The following DMD variants were observed in gnomAD, a reference collection of about 807,000 sequenced individuals.
DMD encodes the protein dystrophin.
Under a neutral mutation model 330.1 loss-of-function variants are expected in DMD, and 63 were observed. The ratio of observed to expected loss-of-function variants is 0.19; its 90% confidence interval spans 0.16 to 0.24. DMD has a LOEUF of 0.24. DMD is among the 10% of genes least tolerant of loss of function. DMD has a pLI of 1.00. For synonymous variants in DMD, 1,223 were observed against 959.8 expected, an observed-to-expected ratio of 1.27 and a Z score of -5.07; for missense variants, 3,344 against 2,684.1, an observed-to-expected ratio of 1.25 and a Z score of -5.43.
At chrX:32,494,320 T>C (rs1025281067) in intron 19 of DMD, among the ~76,000 whole-genome samples, 28 of 111,649 alleles carry the variant, frequency 2.5e-4, no homozygotes, top group African/African-American at 9.1e-4. Context: ...TTTATTTGCA[T>C]ATTGATCTTT....
chrX:31,422,044 T>TATATA (rs56161808), intron 60 of DMD, among the ~76,000 whole-genome samples: 909 of 76,049 alleles, frequency 0.012, 12 homozygotes, highest in Non-Finnish European at 0.016. Flanking sequence ...TATATATATA[T>TATATA]TTTTTTTTTT....
chrX:32,986,432 G>A (rs1330120973), intron 2 of DMD, among the ~76,000 whole-genome samples: 18 of 111,497 alleles, frequency 1.6e-4, no homozygotes, highest in African/African-American at 4.9e-4. Context: ...ACTTTTCAAA[G>A]AAAAAAATTA....
At chrX:31,447,867 C>T (rs1346034853) in intron 59 of DMD, among the ~76,000 whole-genome samples, 3 of 107,990 alleles carry the variant, frequency 2.8e-5, no homozygotes, top group African/African-American at 1.0e-4. Context: ...ATTATTCGGG[C>T]GTGGTGGCAC....
intron 44 of DMD, among the ~76,000 whole-genome samples, chrX:32,148,079 G>A (rs1435770546): frequency 9.1e-6 from 1 of 109,495 alleles, no homozygotes; most frequent in Non-Finnish European, 1.9e-5. Context: ...GGGTTTCACC[G>A]TGTTCGCCAG....
intron 47 of DMD, among the ~76,000 whole-genome samples, chrX:31,913,227 A>G (rs780968810): frequency 1.8e-5 from 2 of 112,095 alleles, no homozygotes; most frequent in Non-Finnish European, 3.8e-5. Flanking sequence ...TAACTTTTAG[A>G]GTGGTTTGTT....
chrX:31,435,088 A>G (rs953008894), intron 60 of DMD, among the ~76,000 whole-genome samples: 2 of 111,394 alleles, frequency 1.8e-5, no homozygotes, highest in African/African-American at 6.5e-5. Context: ...ATATATGACC[A>G]CAGGCAAGTC....
At chrX:32,482,445 C>G (rs1453298491) in intron 21 of DMD, among the ~76,000 whole-genome samples, 7 of 111,569 alleles carry the variant, frequency 6.3e-5, no homozygotes, top group Non-Finnish European at 3.8e-5. Flanking sequence ...AGCATAATGT[C>G]TTCAAGGGTA....
intron 11 of DMD, among the ~76,000 whole-genome samples, chrX:32,628,271 TTTTTTTTTTTTTTTTTTTTTTTTTA>T (rs1384167170): frequency 1.6e-5 from 1 of 61,743 alleles, no homozygotes; most frequent in Non-Finnish European, 2.8e-5. Context: ...TTTTTTTTTT[TTTTTTTTTTTTTTTTTTTTTTTTTA>T]AGCTCTCACA....
chrX:31,701,063 T>C (rs1488041596), intron 52 of DMD, among the ~76,000 whole-genome samples: 1 of 112,561 alleles, frequency 8.9e-6, no homozygotes, highest in Non-Finnish European at 1.9e-5. Flanking sequence ...GCACCACAGA[T>C]TTATTACCAT....
At chrX:31,836,092 C>T (rs73464049) in intron 49 of DMD, among the ~76,000 whole-genome samples, 10,493 of 111,206 alleles carry the variant, frequency 0.094, 479 homozygotes, top group East Asian at 0.33. Flanking sequence ...CATCTCCCTC[C>T]TTATGTAATA....
chrX:32,441,076 A>ATACTCTC (rs770993996), intron 28 of DMD, 104 bp downstream of exon 28: 1 of 883,490 alleles, frequency 1.1e-6, no homozygotes, highest in African/African-American at 2.0e-5. Context: ...CATAGTAATT[A>ATACTCTC]TACTCTCTTG....
chrX:31,898,301 G>A (rs1405632697), intron 47 of DMD, among the ~76,000 whole-genome samples: 18 of 109,323 alleles, frequency 1.6e-4, no homozygotes, highest in African/African-American at 4.7e-4. Context: ...AAAAGAGCCC[G>A]CATCGCCAAG....
At chrX:32,940,492 G>A (rs1452252415) in intron 2 of DMD, among the ~76,000 whole-genome samples, 1 of 111,100 alleles carries the variant, frequency 9.0e-6, no homozygotes, top group Non-Finnish European at 1.9e-5. Context: ...ACAAAGTAGA[G>A]AACCCAGAAA....
chrX:31,887,016 G>A (rs1310017601), intron 47 of DMD, among the ~76,000 whole-genome samples: 1 of 111,270 alleles, frequency 9.0e-6, no homozygotes, highest in African/African-American at 3.3e-5. Flanking sequence ...CCCAGTGTAC[G>A]CATGTGACTT....
chrX:31,223,425 T>C (rs950322914), intron 63 of DMD, among the ~76,000 whole-genome samples: 9 of 112,403 alleles, frequency 8.0e-5, no homozygotes, highest in East Asian at 5.5e-4. Context: ...GCATTATTTT[T>C]TTCTAGAAAG....
intron 48 of DMD, among the ~76,000 whole-genome samples, chrX:31,869,405 T>A (rs2093853641): frequency 5.9e-5 from 1 of 17,088 alleles, no homozygotes; most frequent in Admixed American, 1.0e-3. Context: ...AACGACATGA[T>A]TTTTTTTTTT....
chrX:31,949,294 T>C (rs2095128625), intron 45 of DMD, among the ~76,000 whole-genome samples: 2 of 111,400 alleles, frequency 1.8e-5, no homozygotes, highest in South Asian at 7.4e-4. Flanking sequence ...GAACATGGAA[T>C]ATGGTCCCAT....
intron 1 of DMD, among the ~76,000 whole-genome samples, chrX:33,075,587 T>C (rs978784029): frequency 1.8e-5 from 2 of 112,536 alleles, no homozygotes; most frequent in African/African-American, 6.5e-5. Flanking sequence ...TTCTGTTTTA[T>C]AGCAACAGCA....
intron 55 of DMD, among the ~76,000 whole-genome samples, chrX:31,518,059 C>T (rs189857278): frequency 1.0e-3 from 110 of 110,112 alleles, no homozygotes; most frequent in African/African-American, 3.5e-3. Context: ...TGACTCCCAC[C>T]TAAAATATAC....
Sources: allele counts gnomAD v4.1 joint callset (sites outside exome capture counted in the v4.1 genomes callset), GRCh38; gene constraint gnomAD v4.1.1; transcripts MANE v1.5; gene names NCBI Gene and HGNC (gene_info 2026-07-23, HGNC 2026-07-21).